SYNE1: variants seen among roughly 807,000 people sequenced by gnomAD.
SYNE1 encodes the protein spectrin repeat containing nuclear envelope protein 1.
Under a neutral mutation model 1,111.0 loss-of-function variants are expected in SYNE1, and 616 were observed. That is an observed-to-expected ratio of 0.55 (90% confidence interval 0.52 to 0.59). The LOEUF (loss-of-function observed/expected upper bound fraction) is 0.59. Ranked by LOEUF, SYNE1 falls within the 20% of genes least tolerant of loss-of-function variation. The probability of loss-of-function intolerance (pLI) is 0.00; values close to 1 mark genes in which losing one functional copy is unlikely to be tolerated. For missense variants in SYNE1, 10,006 were observed against 10,417.0 expected (o/e 0.96, Z 1.72); for synonymous variants, 3,855 against 3,825.8 (o/e 1.01, Z -0.28).
chr6:152,516,655 C>G (rs992304184), intron 6 of SYNE1, among the ~76,000 whole-genome samples: 1 of 152,002 alleles, frequency 6.6e-6, no homozygotes, highest in African/African-American at 2.4e-5. Context: ...CACAGCTCAC[C>G]GTAGCCTCAA....
intron 131 of SYNE1, among the ~76,000 whole-genome samples, chr6:152,161,273 A>AAT (rs2062436548): frequency 6.7e-6 from 1 of 148,224 alleles, no homozygotes; most frequent in Non-Finnish European, 1.5e-5. Context: ...TTTAATAATA[A>AAT]ATATATATAT....
At chr6:152,244,264 C>T (rs182117235) in intron 106 of SYNE1, among the ~76,000 whole-genome samples, 67 of 151,980 alleles carry the variant, frequency 4.4e-4, no homozygotes, top group African/African-American at 1.6e-3. Context: ...AAATAATATG[C>T]TACAACTAAA....
At chr6:152,606,976 C>CTTT (rs11387272) in intron 3 of SYNE1, among the ~76,000 whole-genome samples, 1,104 of 108,876 alleles carry the variant, frequency 0.01, 62 homozygotes, top group Middle Eastern at 0.027. Flanking sequence ...TGCCTCGGTT[C>CTTT]TCTTTTTTTT....
chr6:152,182,160 T>C (rs2068277043), intron 128 of SYNE1, among the ~76,000 whole-genome samples: 1 of 152,216 alleles, frequency 6.6e-6, no homozygotes, highest in African/African-American at 2.4e-5. Flanking sequence ...TGGGCTTGTT[T>C]TCCTATCTCT....
chr6:152,145,345 T>G, intron 137 of SYNE1: 1 of 783,084 alleles, frequency 1.3e-6, no homozygotes, highest in South Asian at 1.5e-5. Flanking sequence ...CAGCTGTTTT[T>G]TCTAGTACAG....
chr6:152,422,478 T>C (rs949678720), intron 39 of SYNE1, among the ~76,000 whole-genome samples: 1 of 151,944 alleles, frequency 6.6e-6, no homozygotes, highest in African/African-American at 2.4e-5. Context: ...CACTCCTTTG[T>C]CTATCTCTAT....
rs1447241048 is a variant in SYNE1 at position 152,595,300 on chromosome 6, C to CACT, written c.67+32962_67+32964dup. On this transcript the variant is annotated intron_variant, in intron 3 of 145. Transcript: ENST00000367255. ...AATAAAACTGATTTCTCAACATCTCCACTGGATGTGAACTTTTCAAGGCAC... is the reference window on the plus strand; with the variant it reads ...AATAAAACTGATTTCTCAACATCTCCACTACTGGATGTGAACTTTTCAAGGCAC... 2.6e-5 allele frequency among the ~76,000 whole-genome samples: 4 copies of CACT among 152,326 alleles called. No individual in the cohort carries two copies. The East Asian group carries it at 7.7e-4, about 29-fold the overall frequency.
At chr6:152,458,082 C>A (rs764334114) in intron 22 of SYNE1, among the ~76,000 whole-genome samples, 1 of 151,798 alleles carries the variant, frequency 6.6e-6, no homozygotes, top group Non-Finnish European at 1.5e-5. Flanking sequence ...CTAGGGATCA[C>A]GTTTCATGAA....
Position 152,433,956 on chromosome 6 carries a change from C to G in SYNE1, c.4311-11G>C. 1 of 1,605,898 alleles carries G rather than the reference C, an allele frequency of 6.2e-7. No individual in the cohort carries two copies. The highest frequency in any genetic ancestry group is 2.2e-5 in the East Asian group (1 of 44,666). On this transcript the variant is annotated splice_polypyrimidine_tract_variant and intron_variant, in intron 33 of 145. Transcript: ENST00000367255. ...TCCATGGTTTTAATACTAAAATTAA[C>G]CAAATTAAGTAAATAAAACTCAGTA...
intron 21 of SYNE1, among the ~76,000 whole-genome samples, chr6:152,461,110 C>T (rs2098731616): frequency 6.6e-6 from 1 of 152,120 alleles, no homozygotes; most frequent in African/African-American, 2.4e-5. Context: ...TGCACCTGGC[C>T]TAAATGTATA....
rs187677267 is a variant in SYNE1, at chr6:152,459,494, C to T, written c.2395-564G>A. Among the ~76,000 whole-genome samples the T allele has an allele frequency of 4.1e-3, 617 of 152,304 alleles. 5 individuals are homozygous for T. Among genetic ancestry groups the T allele is most frequent in the African/African-American group, 0.014 (583 of 41,572 alleles). On this transcript the variant is annotated intron_variant, in intron 21 of 145. Coordinates refer to ENST00000367255, the MANE Select transcript of SYNE1 (RefSeq NM_182961.4). ...CCTGCTTATCAACATCCTACTCATC[C>T]GAAGCACTAAAGTCACACCAATTTA...
intron 131 of SYNE1, among the ~76,000 whole-genome samples, chr6:152,157,744 C>T (rs1055220895): frequency 6.6e-6 from 1 of 151,808 alleles, no homozygotes; most frequent in African/African-American, 2.4e-5. Context: ...TCAGCAGTTT[C>T]CTCAGAGAAC....
intron 101 of SYNE1, among the ~76,000 whole-genome samples, chr6:152,259,382 C>A (rs2091567274): frequency 6.6e-6 from 1 of 152,110 alleles, no homozygotes; most frequent in Non-Finnish European, 1.5e-5. Context: ...TGCATGGAAG[C>A]ATTAAATACA....
chr6:152,215,528 C>T (rs1397790612), intron 121 of SYNE1, among the ~76,000 whole-genome samples: 2 of 152,074 alleles, frequency 1.3e-5, no homozygotes, highest in East Asian at 3.9e-4. Flanking sequence ...CTTGACAGAA[C>T]TGATTAAGGA....
chr6:152,449,486 T>C, intron 28 of SYNE1, 47 bp downstream of exon 28: 1 of 1,327,858 alleles, frequency 7.5e-7, no homozygotes, highest in Non-Finnish European at 1.1e-6. Flanking sequence ...ACATTATTCT[T>C]CCACTATGAG....
chr6:152,151,203 CAG>C (rs2060347698), intron 135 of SYNE1, among the ~76,000 whole-genome samples: 1 of 149,118 alleles, frequency 6.7e-6, no homozygotes, highest in African/African-American at 2.5e-5. Context: ...GCCTGGGCGA[CAG>C]AGTGAGACTC....
intron 55 of SYNE1, among the ~76,000 whole-genome samples, chr6:152,383,654 C>T (rs1467148546): frequency 2.0e-5 from 3 of 152,174 alleles, no homozygotes; most frequent in African/African-American, 7.2e-5. Flanking sequence ...TAGTACCCAG[C>T]TTTTGGTCCT....
At chr6:152,337,134 C>G in intron 75 of SYNE1, 117 bp from the exon 76 acceptor site, 2 of 913,600 alleles carry the variant, frequency 2.2e-6, no homozygotes, top group Non-Finnish European at 3.4e-6. Flanking sequence ...CACATACACA[C>G]GCAAACTCAC....
In SYNE1 at chr6:152,331,230, T is replaced by C. The variant is rs2096241425; in HGVS notation, c.13455A>G (p.Leu4485=). The change falls in exon 78 of 146, where the codon TTA becomes TTG. Residue 4485 remains leucine (L), a synonymous_variant. Coordinates refer to ENST00000367255, the MANE Select transcript of SYNE1 (RefSeq NM_182961.4). ...KIMFREHICL[L]PDDVSKQVKT... is the part of the protein sequence containing the mutation. ...TGACTTGTTTGCTCACATCATCTGGTAACAGACAGATGTGTTCACGGAACA... is the reference window on the plus strand; with the variant it reads ...TGACTTGTTTGCTCACATCATCTGGCAACAGACAGATGTGTTCACGGAACA... 5 of 1,613,964 alleles carry C rather than the reference T, an allele frequency of 3.1e-6. No homozygotes were observed. The highest frequency in any genetic ancestry group is 4.2e-6 in the Non-Finnish European group (5 of 1,180,038).
Sources: gnomAD v4.1 joint callset for allele counts (sites outside exome capture counted in the v4.1 genomes callset) on GRCh38, gnomAD v4.1.1 for gene constraint, MANE v1.5 for transcripts, NCBI Gene and HGNC (gene_info 2026-07-23, HGNC 2026-07-21) for gene names.